Variants in USP34 observed in about 807,000 individuals in gnomAD.
USP34 encodes the protein ubiquitin specific peptidase 34.
In USP34, 70 loss-of-function variants were observed where a neutral mutation model predicts 460.3. The observed-to-expected ratio is 0.15, with a 90% CI of 0.13 to 0.19. The LOEUF (loss-of-function observed/expected upper bound fraction) is 0.19. USP34 is among the 10% of genes least tolerant of loss of function. USP34 has a pLI of 1.00. For synonymous variants in USP34, 1,647 were observed against 1,405.3 expected (o/e 1.17, Z -3.85); for missense variants, 3,985 against 4,236.2 (o/e 0.94, Z 1.65).
chr2:61,196,487 A>T (rs2103750334), intron 75 of USP34, among the ~76,000 whole-genome samples: 1 of 152,146 alleles, frequency 6.6e-6, no homozygotes, highest in Non-Finnish European at 1.5e-5. Flanking sequence ...GGCCTCCCAA[A>T]GTGCTAGGAT....
chr2:61,255,844 G>A (rs62152267), intron 48 of USP34, among the ~76,000 whole-genome samples: 17,693 of 152,202 alleles, frequency 0.12, 1,219 homozygotes, highest in Non-Finnish European at 0.15. Context: ...TCATAGTATT[G>A]CAATGCTTCT....
At chr2:61,410,028 G>C (rs1176558826) in intron 2 of USP34, among the ~76,000 whole-genome samples, 1 of 152,176 alleles carries the variant, frequency 6.6e-6, no homozygotes, top group Admixed American at 6.5e-5. Context: ...GTTTCCCTCT[G>C]TGTATCAATG....
At chr2:61,246,733 T>A (rs1688426318) in intron 49 of USP34, among the ~76,000 whole-genome samples, 1 of 152,138 alleles carries the variant, frequency 6.6e-6, no homozygotes, top group South Asian at 2.1e-4. Context: ...CTTAGCCTAC[T>A]ACCATAAAGG....
intron 3 of USP34, among the ~76,000 whole-genome samples, chr2:61,405,477 C>T (rs1693844396): frequency 6.6e-6 from 1 of 151,958 alleles, no homozygotes; most frequent in South Asian, 2.1e-4. Flanking sequence ...AGATCACTAC[C>T]AGATTAATTT....
At chr2:61,241,283 C>T (rs968195490) in intron 53 of USP34, among the ~76,000 whole-genome samples, 1 of 152,200 alleles carries the variant, frequency 6.6e-6, no homozygotes, top group African/African-American at 2.4e-5. Context: ...ACCTCGTGAT[C>T]TACCCACCTC....
intron 5 of USP34, among the ~76,000 whole-genome samples, chr2:61,388,522 C>T (rs967811584): frequency 2.7e-5 from 4 of 150,282 alleles, no homozygotes; most frequent in African/African-American, 7.3e-5. Context: ...TTTGGGAGGC[C>T]GATGCAGGCG....
intron 6 of USP34, 39 bp from the exon 7 acceptor site, chr2:61,380,400 T>C: frequency 1.9e-6 from 3 of 1,569,082 alleles, no homozygotes; most frequent in Non-Finnish European, 2.6e-6. Context: ...CAAAAATTCA[T>C]AAAGCATTTT....
At position 61,208,891 on chromosome 2, in the gene USP34, A is replaced by G. The variant is rs745983632; in HGVS notation, c.8919+8T>C. On this transcript the variant is annotated splice_region_variant and intron_variant, in intron 70 of 79. Transcript: ENST00000398571. ...AATATCCACAGTAAAATGCAATAGA[A>G]TATTTACCTCTGTCATTAGAATCAA... The G allele has an allele frequency of 1.9e-6, 3 of 1,576,746 alleles. No homozygotes were observed. The highest frequency in any genetic ancestry group is 2.6e-6 in the Non-Finnish European group (3 of 1,156,994).
chr2:61,241,478 A>G, intron 53 of USP34, 82 bp downstream of exon 53: 1 of 972,642 alleles, frequency 1.0e-6, no homozygotes, highest in Admixed American at 2.9e-5. Context: ...CAACCTGTAG[A>G]ACCTGTTCTT....
intron 75 of USP34, chr2:61,194,058 A>G: frequency 1.1e-6 from 1 of 949,486 alleles, no homozygotes; most frequent in Non-Finnish European, 1.3e-6. Flanking sequence ...AGCCATGGTT[A>G]TACAAAAACA....
rs759052272 is a variant in USP34 at position 61,248,533 on chromosome 2, C to T, written c.6372G>A (p.Met2124Ile). 6.4e-7 allele frequency: 1 copy of T among 1,565,824 alleles called. No individual in the cohort carries two copies. Among genetic ancestry groups the T allele is most frequent in the East Asian group, 2.3e-5 (1 of 43,898 alleles). Residue 2124 changes from methionine to isoleucine, a missense_variant, in exon 49 of 80, where the codon ATG becomes ATA. Around this residue, in one of 14 missense-constraint regions of USP34, gnomAD observed 70 missense variants for 78.1 expected, o/e 0.90. Transcript: ENST00000398571. ...CACCTTCTTTCCTCTCACTCTTTCCCATAAGAAAATCTTCTGTATAGGGCG... is the reference window on the plus strand; with the variant it reads ...CACCTTCTTTCCTCTCACTCTTTCCTATAAGAAAATCTTCTGTATAGGGCG... The part of the protein sequence containing the change: ...DMTPYTEDFL[M>I]GKSERKEGFK...
chr2:61,392,108 C>T (rs1693365543), intron 5 of USP34, among the ~76,000 whole-genome samples: 1 of 152,124 alleles, frequency 6.6e-6, no homozygotes, highest in Non-Finnish European at 1.5e-5. Flanking sequence ...AAGCCTAAAC[C>T]TTTGTATTTA....
intron 75 of USP34, among the ~76,000 whole-genome samples, chr2:61,196,069 A>ATTTTTTTTTTTTTTTTTTTTTTT (rs71403398): frequency 2.4e-5 from 1 of 41,576 alleles, no homozygotes; most frequent in African/African-American, 1.1e-4. Context: ...ACCATGCACG[A>ATTTTTTTTTTTTTTTTTTTTTTT]TTTTTTTTTT....
intron 41 of USP34, among the ~76,000 whole-genome samples, chr2:61,269,548 C>T (rs1689152180): frequency 6.6e-6 from 1 of 151,942 alleles, no homozygotes; most frequent in African/African-American, 2.4e-5. Flanking sequence ...AACAATAATT[C>T]AATAATTTCC....
intron 65 of USP34, among the ~76,000 whole-genome samples, chr2:61,222,046 A>C (rs1164767574): frequency 3.9e-5 from 6 of 152,180 alleles, no homozygotes; most frequent in Admixed American, 3.9e-4. Flanking sequence ...GCTACATTGC[A>C]CAACAGATCT....
chr2:61,300,035 T>C (rs759954844), intron 29 of USP34, among the ~76,000 whole-genome samples: 1 of 152,236 alleles, frequency 6.6e-6, no homozygotes, highest in Admixed American at 6.5e-5. Context: ...TTTTGACCTG[T>C]TGTCGATTTA....
chr2:61,348,994 A>G (rs1367615206), intron 13 of USP34, 108 bp from the exon 14 acceptor site: 2 of 1,259,090 alleles, frequency 1.6e-6, no homozygotes, highest in Non-Finnish European at 2.1e-6. Context: ...GCTTTATGCT[A>G]AGTAGCCAAA....
intron 20 of USP34, among the ~76,000 whole-genome samples, chr2:61,330,080 G>A (rs1401360906): frequency 6.6e-6 from 1 of 152,150 alleles, no homozygotes. Flanking sequence ...CAAAAAGGTA[G>A]AGATTAATGG....
At position 61,276,503 on chromosome 2, in the gene USP34, T is replaced by G. The variant is rs573575498; in HGVS notation, c.5433+1662A>C. Among the ~76,000 whole-genome samples the G allele has an allele frequency of 2.0e-5, 3 of 152,290 alleles. No homozygotes were observed. The East Asian group carries it at 5.8e-4, about 29-fold the overall frequency. On this transcript the variant is annotated intron_variant, in intron 41 of 79. Coordinates refer to ENST00000398571, the MANE Select transcript of USP34 (RefSeq NM_014709.4). Reference sequence around the variant, plus strand: ...ATTTTATACATGCGTATTTACTGTATCCATGAAAAGTCCTGGAAGGCCATC... The same window carrying G: ...ATTTTATACATGCGTATTTACTGTAGCCATGAAAAGTCCTGGAAGGCCATC...
Sources: gnomAD v4.1 joint callset for allele counts (sites outside exome capture counted in the v4.1 genomes callset) on GRCh38, gnomAD v4.1.1 for gene constraint, gnomAD v4.1.1 regional missense constraint, MANE v1.5 for transcripts, NCBI Gene and HGNC (gene_info 2026-07-23, HGNC 2026-07-21) for gene names.